MTUS2: variants seen among roughly 807,000 people sequenced by gnomAD.
The protein encoded by MTUS2 is microtubule associated scaffold protein 2.
Under a neutral mutation model 114.1 loss-of-function variants are expected in MTUS2, and 40 were observed. The observed-to-expected ratio is 0.35, with a 90% CI of 0.27 to 0.46. The LOEUF (loss-of-function observed/expected upper bound fraction) is 0.46. Ranked by LOEUF, MTUS2 falls within the 20% of genes least tolerant of loss-of-function variation. The probability of loss-of-function intolerance (pLI) is 1.00; values close to 1 mark genes in which losing one functional copy is unlikely to be tolerated. For missense variants in MTUS2, 1,679 were observed against 1,705.4 expected (o/e 0.98, Z 0.27); for synonymous variants, 688 against 672.0 (o/e 1.02, Z -0.37).
intron 5 of MTUS2, among the ~76,000 whole-genome samples, chr13:29,162,858 C>G (rs1409307774): frequency 6.6e-6 from 1 of 152,198 alleles, no homozygotes; most frequent in Non-Finnish European, 1.5e-5. Flanking sequence ...ATGCCCGAGA[C>G]TTGCTGCTGC....
intron 2 of MTUS2, among the ~76,000 whole-genome samples, chr13:28,923,424 A>T (rs555393436): frequency 2.6e-5 from 4 of 152,206 alleles, no homozygotes; most frequent in Non-Finnish European, 5.9e-5. Flanking sequence ...GTCACCCTGT[A>T]TAAGTTTAGT....
chr13:29,253,953 A>G (rs945461741), intron 5 of MTUS2, among the ~76,000 whole-genome samples: 1 of 152,162 alleles, frequency 6.6e-6, no homozygotes, highest in East Asian at 1.9e-4. Context: ...ATTACCTCCC[A>G]CTGAGTCCCT....
intron 12 of MTUS2, among the ~76,000 whole-genome samples, chr13:29,495,355 C>CAAAA (rs561721512): frequency 5.0e-4 from 15 of 29,812 alleles, no homozygotes; most frequent in African/African-American, 1.6e-3. Context: ...GAGTCTTTGT[C>CAAAA]AAAAAAAAAA....
At chr13:28,827,657 C>G (rs1328357784) in intron 1 of MTUS2, among the ~76,000 whole-genome samples, 3 of 151,982 alleles carry the variant, frequency 2.0e-5, no homozygotes, top group Non-Finnish European at 2.9e-5. Flanking sequence ...ATTGGCCGGT[C>G]TGAGAAATAA....
chr13:28,903,083 T>G (rs1423881140), intron 2 of MTUS2, among the ~76,000 whole-genome samples: 1 of 152,166 alleles, frequency 6.6e-6, no homozygotes, highest in African/African-American at 2.4e-5. Flanking sequence ...CCATTTCATC[T>G]AAAATTCCTT....
At chr13:29,320,296 C>T (rs1324059007) in intron 6 of MTUS2, among the ~76,000 whole-genome samples, 1 of 152,102 alleles carries the variant, frequency 6.6e-6, no homozygotes, top group African/African-American at 2.4e-5. Context: ...ACGGACTCTC[C>T]CCTGGAGAGT....
chr13:29,465,483 A>G (rs1427511963), intron 9 of MTUS2, among the ~76,000 whole-genome samples: 2 of 152,200 alleles, frequency 1.3e-5, no homozygotes, highest in Admixed American at 1.3e-4. Context: ...CATCCCCGGT[A>G]ACGCATTTAA....
At chr13:29,238,657 G>C (rs954482788) in intron 5 of MTUS2, among the ~76,000 whole-genome samples, 3 of 152,162 alleles carry the variant, frequency 2.0e-5, no homozygotes, top group African/African-American at 7.2e-5. Flanking sequence ...CAAGGGGATA[G>C]TGCTCACCCA....
At chr13:29,389,922 T>C (rs567810018) in intron 8 of MTUS2, among the ~76,000 whole-genome samples, 1 of 88,006 alleles carries the variant, frequency 1.1e-5, no homozygotes, top group African/African-American at 3.8e-5. Context: ...TATATGTATG[T>C]ATATGTGTAT....
chr13:29,202,062 T>C (rs182574998), intron 5 of MTUS2, among the ~76,000 whole-genome samples: 5 of 152,344 alleles, frequency 3.3e-5, no homozygotes, highest in East Asian at 3.9e-4. Flanking sequence ...TCTTGCTAGA[T>C]TGAGGAAGTT....
At chr13:29,446,259 C>T (rs901461791) in intron 9 of MTUS2, among the ~76,000 whole-genome samples, 2 of 152,166 alleles carry the variant, frequency 1.3e-5, no homozygotes, top group Non-Finnish European at 2.9e-5. Flanking sequence ...ACTCATTTAG[C>T]GAGGTTCTGA....
At chr13:28,941,190 C>T (rs570106863) in intron 2 of MTUS2, among the ~76,000 whole-genome samples, 2 of 152,138 alleles carry the variant, frequency 1.3e-5, no homozygotes, top group East Asian at 3.9e-4. Flanking sequence ...CACTCTTAAG[C>T]ATTTTTGAGG....
intron 5 of MTUS2, among the ~76,000 whole-genome samples, chr13:29,203,576 A>C (rs1350936799): frequency 1.4e-5 from 2 of 142,824 alleles, no homozygotes; most frequent in Non-Finnish European, 3.1e-5. Context: ...AAAAAAAAAA[A>C]AAAACTCCTG....
chr13:28,936,524 A>T (rs1235321523), intron 2 of MTUS2, among the ~76,000 whole-genome samples: 15 of 151,858 alleles, frequency 9.9e-5, no homozygotes, highest in Admixed American at 9.8e-4. Context: ...AGCTCGTTGG[A>T]TGGGACTGAG....
chr13:29,260,369 G>A (rs966747532), intron 5 of MTUS2, among the ~76,000 whole-genome samples: 4 of 152,188 alleles, frequency 2.6e-5, no homozygotes, highest in Non-Finnish European at 4.4e-5. Flanking sequence ...GTTTCTGACT[G>A]AGACTGAGCA....
intron 5 of MTUS2, among the ~76,000 whole-genome samples, chr13:29,265,562 A>G (rs1897636429): frequency 6.6e-6 from 1 of 152,156 alleles, no homozygotes; most frequent in Non-Finnish European, 1.5e-5. Context: ...AGACTGGGTA[A>G]TTTATAAATT....
At chr13:28,911,845 G>GTTTTTTTTTTTTTTTTTTTTTAATTTT (rs202187530) in intron 2 of MTUS2, among the ~76,000 whole-genome samples, 1 of 103,828 alleles carries the variant, frequency 9.6e-6, no homozygotes, top group African/African-American at 3.8e-5. Flanking sequence ...ACTTTTTAAT[G>GTTTTTTTTTTTTTTTTTTTTTAATTTT]TTTTTTTTTT....
At chr13:29,401,766 T>C (rs1006284034) in intron 8 of MTUS2, among the ~76,000 whole-genome samples, 5 of 152,238 alleles carry the variant, frequency 3.3e-5, no homozygotes, top group African/African-American at 1.2e-4. Flanking sequence ...AACAAAATTA[T>C]CTATGTCAAG....
At chr13:29,410,647 A>G (rs189907304) in intron 8 of MTUS2, among the ~76,000 whole-genome samples, 111 of 152,318 alleles carry the variant, frequency 7.3e-4, no homozygotes, top group Admixed American at 2.3e-3. Flanking sequence ...TTTATCTGTG[A>G]CACATGGTGC....
Sources: allele counts gnomAD v4.1 joint callset (sites outside exome capture counted in the v4.1 genomes callset), GRCh38; gene constraint gnomAD v4.1.1; transcripts MANE v1.5; gene names NCBI Gene and HGNC (gene_info 2026-07-23, HGNC 2026-07-21).